Variants in RSRC1 observed in about 807,000 individuals in gnomAD.
RSRC1 encodes arginine and serine rich coiled-coil 1.
In RSRC1, 39 loss-of-function variants were observed where a neutral mutation model predicts 49.1. That is an observed-to-expected ratio of 0.79 (90% CI 0.61 to 1.04). RSRC1 has a LOEUF of 1.04. Among genes scored for constraint, RSRC1 ranks in the 50% least tolerant of loss-of-function variants. RSRC1 has a pLI of 0.00. For synonymous variants in RSRC1, 143 were observed against 130.8 expected (o/e 1.09, Z -0.63); for missense variants, 388 against 402.4 (o/e 0.96, Z 0.31).
chr3:158,282,707 A>G (rs1726254510), intron 4 of RSRC1, among the ~76,000 whole-genome samples: 1 of 152,234 alleles, frequency 6.6e-6, no homozygotes, highest in Non-Finnish European at 1.5e-5. Flanking sequence ...TGTACAATAA[A>G]TATAAGAATT....
At chr3:158,352,596 T>G (rs116077847) in intron 5 of RSRC1, among the ~76,000 whole-genome samples, 2,926 of 152,318 alleles carry the variant, frequency 0.019, 76 homozygotes, top group African/African-American at 0.067. Flanking sequence ...CTCTGACATG[T>G]ATGCTTCCTA....
chr3:158,291,289 C>T (rs927860993), intron 4 of RSRC1, among the ~76,000 whole-genome samples: 2 of 152,000 alleles, frequency 1.3e-5, no homozygotes, highest in Non-Finnish European at 2.9e-5. Context: ...TATATTTAAT[C>T]TTTTATTTAC....
chr3:158,183,972 A>G (rs749222625), intron 3 of RSRC1, among the ~76,000 whole-genome samples: 58 of 152,082 alleles, frequency 3.8e-4, no homozygotes, highest in Non-Finnish European at 4.7e-4. Flanking sequence ...GCTAGGTGCT[A>G]CTGGGGTGGG....
intron 5 of RSRC1, among the ~76,000 whole-genome samples, chr3:158,323,866 A>G (rs1728906444): frequency 6.6e-6 from 1 of 152,208 alleles, no homozygotes; most frequent in Non-Finnish European, 1.5e-5. Context: ...TACTGGAAAT[A>G]AGATGCATCA....
chr3:158,155,223 C>T (rs1269782428), intron 3 of RSRC1, among the ~76,000 whole-genome samples: 2 of 152,106 alleles, frequency 1.3e-5, no homozygotes, highest in Non-Finnish European at 2.9e-5. Flanking sequence ...ATTTACTTTG[C>T]CCAGATTCAT....
chr3:158,339,984 C>T (rs903129717), intron 5 of RSRC1, among the ~76,000 whole-genome samples: 11 of 152,166 alleles, frequency 7.2e-5, no homozygotes, highest in Admixed American at 6.5e-4. Flanking sequence ...AAAGAACACT[C>T]ATTAGTTAGG....
intron 5 of RSRC1, among the ~76,000 whole-genome samples, chr3:158,312,950 G>C (rs780773165): frequency 1.7e-4 from 26 of 152,044 alleles, no homozygotes; most frequent in Non-Finnish European, 2.5e-4. Flanking sequence ...GTGATTTAGA[G>C]CTCTCCTAAC....
At chr3:158,136,788 C>G (rs1045233657) in intron 3 of RSRC1, 1 of 151,854 alleles carries the variant, frequency 6.6e-6, no homozygotes, top group Non-Finnish European at 1.5e-5. Flanking sequence ...ATAGAGAAAA[C>G]GAGAAAATTG....
At chr3:158,179,135 G>A (rs939451466) in intron 3 of RSRC1, among the ~76,000 whole-genome samples, 5 of 151,970 alleles carry the variant, frequency 3.3e-5, no homozygotes, top group African/African-American at 1.2e-4. Context: ...ATCTTGTCTA[G>A]TTGAATTGGC....
intron 6 of RSRC1, among the ~76,000 whole-genome samples, chr3:158,423,848 G>A (rs1224726927): frequency 6.6e-6 from 1 of 151,466 alleles, no homozygotes; most frequent in African/African-American, 2.4e-5. Flanking sequence ...ATTGTGAATG[G>A]GAGTTCACTC....
chr3:158,308,461 C>T lies in RSRC1; in HGVS notation c.531+10386C>T, dbSNP rs77260280. ...AACAGTGTGCTACATTTTGATCTCT[C>T]TACTCATTAAATGATGTAGTAATTT... On this transcript the variant is annotated intron_variant, in intron 5 of 9. Coordinates refer to ENST00000611884, the MANE Select transcript of RSRC1 (RefSeq NM_001271838.2). 1.7e-4 allele frequency among the ~76,000 whole-genome samples: 26 copies of T among 152,014 alleles called. No individual in the cohort carries two copies. The East Asian group carries it at 4.4e-3, about 26-fold the overall frequency.
rs139786901 is a variant in RSRC1, at chr3:158,140,458, G to C, written c.320+16467G>C. On this transcript the variant is annotated intron_variant, in intron 3 of 9. Coordinates refer to ENST00000611884, the MANE Select transcript of RSRC1 (RefSeq NM_001271838.2). ...ACCATTGGCCTTTCTGACTGTAACA[G>C]CACATTGGACATGTTACTGTTCAGG... Among the ~76,000 whole-genome samples the C allele has an allele frequency of 9.1e-3, 1,389 of 152,280 alleles. 20 individuals are homozygous for C. Among genetic ancestry groups the C allele is most frequent in the Non-Finnish European group, 0.011 (746 of 68,016 alleles).
intron 4 of RSRC1, among the ~76,000 whole-genome samples, chr3:158,242,034 T>TTC (rs1723619156): frequency 7.8e-6 from 1 of 127,780 alleles, no homozygotes; most frequent in Admixed American, 7.7e-5. Context: ...TTTCCAACCT[T>TTC]TTTTTTTTTT....
chr3:158,432,232 G>A (rs1560040392), intron 6 of RSRC1, among the ~76,000 whole-genome samples: 1 of 151,984 alleles, frequency 6.6e-6, no homozygotes, highest in Non-Finnish European at 1.5e-5. Context: ...AACTTTGAAT[G>A]AGGATTGAAT....
chr3:158,393,469 T>C (rs1252440736), intron 6 of RSRC1, among the ~76,000 whole-genome samples: 1 of 150,996 alleles, frequency 6.6e-6, no homozygotes, highest in Non-Finnish European at 1.5e-5. Context: ...CAATCAGAAA[T>C]GACAAAGGGG....
At chr3:158,202,699 A>C (rs979440628) in intron 3 of RSRC1, among the ~76,000 whole-genome samples, 1 of 151,566 alleles carries the variant, frequency 6.6e-6, no homozygotes, top group African/African-American at 2.4e-5. Flanking sequence ...TGGAACAATT[A>C]GAAATAAGAA....
At chr3:158,434,116 G>A (rs182122576) in intron 6 of RSRC1, among the ~76,000 whole-genome samples, 45 of 151,930 alleles carry the variant, frequency 3.0e-4, no homozygotes, top group African/African-American at 1.1e-3. Flanking sequence ...CTAAAATCCA[G>A]TTTTCCCGAT....
intron 5 of RSRC1, among the ~76,000 whole-genome samples, chr3:158,344,755 A>G (rs1173022994): frequency 6.6e-6 from 1 of 152,166 alleles, no homozygotes; most frequent in East Asian, 1.9e-4. Flanking sequence ...CAACAACAAC[A>G]ATGTTTTGTG....
chr3:158,475,782 T>C (rs1360304854), intron 7 of RSRC1, among the ~76,000 whole-genome samples: 3 of 152,046 alleles, frequency 2.0e-5, no homozygotes, highest in Non-Finnish European at 4.4e-5. Context: ...TGAAACACAA[T>C]GTTGAAATTA....
Sources: allele counts gnomAD v4.1 joint callset (sites outside exome capture counted in the v4.1 genomes callset), GRCh38; gene constraint gnomAD v4.1.1; transcripts MANE v1.5; gene names NCBI Gene and HGNC (gene_info 2026-07-23, HGNC 2026-07-21).